The following ITPK1 variants were observed in gnomAD, a reference collection of about 807,000 sequenced individuals.
The protein encoded by ITPK1 is inositol-tetrakisphosphate 1-kinase.
Under a neutral mutation model 45.3 loss-of-function variants are expected in ITPK1, and 21 were observed. The ratio of observed to expected loss-of-function variants is 0.46; its 90% CI spans 0.33 to 0.67. The LOEUF is 0.67. Among genes scored for constraint, ITPK1 ranks in the 30% least tolerant of loss-of-function variants. ITPK1 has a pLI of 0.02. For synonymous variants in ITPK1, 258 were observed against 253.6 expected (o/e 1.02, Z -0.16); for missense variants, 474 against 573.5 (o/e 0.83, Z 1.77).
chr14:93,043,067 T>C (rs1889626631), intron 3 of ITPK1, among the ~76,000 whole-genome samples: 1 of 152,010 alleles, frequency 6.6e-6, no homozygotes, highest in Non-Finnish European at 1.5e-5. Context: ...GTCCAAACTC[T>C]TTCTCATCCA....
chr14:93,043,153 T>C (rs1049268404), intron 3 of ITPK1, among the ~76,000 whole-genome samples: 2 of 151,692 alleles, frequency 1.3e-5, no homozygotes, highest in Non-Finnish European at 2.9e-5. Context: ...GTTAAAAAAA[T>C]ATTGACCCAG....
In ITPK1 at chr14:92,979,503, A is replaced by C. The variant is rs186146667; in HGVS notation, c.364+14377T>G. Reference sequence around the variant, plus strand: ...GTGTCCCCACCCAAATCTCATGTCAAATTGTAATTCCCAATTTGGGGGAGG... The same window carrying C: ...GTGTCCCCACCCAAATCTCATGTCACATTGTAATTCCCAATTTGGGGGAGG... On this transcript the variant is annotated intron_variant, in intron 5 of 10. Coordinates refer to ENST00000267615, the MANE Select transcript of ITPK1 (RefSeq NM_014216.6). Among the ~76,000 whole-genome samples the C allele has an allele frequency of 1.6e-4, 24 of 152,280 alleles. No individual in the cohort carries two copies. In the East Asian group the frequency reaches 4.6e-3, roughly 29 times the overall value.
At chr14:93,005,633 T>C (rs1173398666) in intron 4 of ITPK1, among the ~76,000 whole-genome samples, 1 of 152,154 alleles carries the variant, frequency 6.6e-6, no homozygotes, top group Non-Finnish European at 1.5e-5. Flanking sequence ...CAGTCCTTGG[T>C]TGGTGGCAGT....
At chr14:92,976,831 C>A (rs1033584761) in intron 5 of ITPK1, among the ~76,000 whole-genome samples, 1 of 152,236 alleles carries the variant, frequency 6.6e-6, no homozygotes, top group Non-Finnish European at 1.5e-5. Context: ...GCTGGGCAAA[C>A]CACTGCATAA....
chr14:93,035,721 G>A (rs1889287230), intron 3 of ITPK1, among the ~76,000 whole-genome samples: 2 of 152,210 alleles, frequency 1.3e-5, no homozygotes, highest in Admixed American at 1.3e-4. Flanking sequence ...GCTGTCCAGG[G>A]CCTGGTGCCC....
chr14:93,040,932 C>A lies in ITPK1; in HGVS notation c.121-24131G>T, dbSNP rs376814969. On this transcript the variant is annotated intron_variant, in intron 3 of 10. Coordinates refer to ENST00000267615, the MANE Select transcript of ITPK1 (RefSeq NM_014216.6). ...TTCTCCCCTGTAAAAAAGGAAGGAT[C>A]CTGCCTACATCTCGAGGTGTCGTGC... Among the ~76,000 whole-genome samples, 196 of 152,298 alleles carry A rather than the reference C, an allele frequency of 1.3e-3. 3 individuals carry two copies. The highest frequency in any genetic ancestry group is 4.5e-3 in the African/African-American group (186 of 41,566).
intron 3 of ITPK1, among the ~76,000 whole-genome samples, chr14:93,059,862 G>A (rs1401943329): frequency 5.0e-5 from 7 of 139,500 alleles, no homozygotes; most frequent in Admixed American, 2.2e-4. Flanking sequence ...AGTGGAGGGG[G>A]TGCAAGTCAC....
intron 3 of ITPK1, among the ~76,000 whole-genome samples, chr14:93,057,029 T>G (rs1890238863): frequency 6.6e-6 from 1 of 152,138 alleles, no homozygotes. Flanking sequence ...ACAGGGCACT[T>G]TTACAGCTTA....
Position 93,085,900 on chromosome 14 carries a change from C to T in ITPK1, c.96-9281G>A, listed in dbSNP as rs1363157504. ...GGGATGGGACCTAAATTGTGGGAAG[C>T]AGGGGAGTTGGCTGCTGGGAGAGGG... On this transcript the variant is annotated intron_variant, in intron 2 of 10. Coordinates refer to ENST00000267615, the MANE Select transcript of ITPK1 (RefSeq NM_014216.6). 2.6e-5 allele frequency among the ~76,000 whole-genome samples: 4 copies of T among 152,062 alleles called. No individual in the cohort carries two copies. In the East Asian group the frequency reaches 7.7e-4, roughly 29 times the overall value.
intron 5 of ITPK1, among the ~76,000 whole-genome samples, chr14:92,965,318 C>G (rs1028411747): frequency 6.6e-6 from 1 of 152,214 alleles, no homozygotes; most frequent in Non-Finnish European, 1.5e-5. Context: ...ATCTAAAACC[C>G]TTTCATGGCA....
At chr14:92,985,727 G>A (rs891906356) in intron 5 of ITPK1, among the ~76,000 whole-genome samples, 2 of 151,932 alleles carry the variant, frequency 1.3e-5, no homozygotes, top group African/African-American at 2.4e-5. Flanking sequence ...AGGGCGCCAG[G>A]GGCTGCTGCC....
intron 5 of ITPK1, among the ~76,000 whole-genome samples, chr14:92,992,860 G>T (rs191917582): frequency 6.6e-6 from 1 of 152,358 alleles, no homozygotes; most frequent in East Asian, 1.9e-4. Context: ...TGTAAAATGG[G>T]AAGGCTTATC....
intron 5 of ITPK1, among the ~76,000 whole-genome samples, chr14:92,964,209 G>A (rs1207314181): frequency 1.3e-5 from 2 of 152,226 alleles, no homozygotes; most frequent in African/African-American, 2.4e-5. Flanking sequence ...CTGGGAGGGT[G>A]GTCTGGAGCC....
chr14:93,075,264 T>C (rs1877019350), intron 3 of ITPK1, among the ~76,000 whole-genome samples: 1 of 125,598 alleles, frequency 8.0e-6, no homozygotes, highest in Non-Finnish European at 1.5e-5. Context: ...GAGGCAGAGG[T>C]TGCAGTGAGC....
intron 8 of ITPK1, among the ~76,000 whole-genome samples, chr14:92,954,498 G>A (rs1469569299): frequency 2.0e-5 from 3 of 152,200 alleles, no homozygotes; most frequent in African/African-American, 7.2e-5. Flanking sequence ...CCTGGATTTT[G>A]GGTGCCCCAT....
At chr14:92,959,781 C>G (rs932678099) in intron 7 of ITPK1, among the ~76,000 whole-genome samples, 2 of 151,750 alleles carry the variant, frequency 1.3e-5, no homozygotes, top group Non-Finnish European at 2.9e-5. Flanking sequence ...AACAAAAACC[C>G]AAATAAAAGA....
At chr14:93,078,237 T>G (rs1467169151) in intron 2 of ITPK1, among the ~76,000 whole-genome samples, 1 of 152,156 alleles carries the variant, frequency 6.6e-6, no homozygotes, top group African/African-American at 2.4e-5. Context: ...ACAGGAACCT[T>G]TGGGCACCCT....
chr14:93,046,402 C>A (rs1474807806), intron 3 of ITPK1, among the ~76,000 whole-genome samples: 1 of 152,212 alleles, frequency 6.6e-6, no homozygotes, highest in Non-Finnish European at 1.5e-5. Context: ...AGCTTCCTTT[C>A]CCACATGGCC....
chr14:92,993,931 C>T lies in ITPK1; in HGVS notation c.313G>A (p.Asp105Asn). 1 of 1,614,036 alleles carries T rather than the reference C, an allele frequency of 6.2e-7. No individual in the cohort carries two copies. The highest frequency in any genetic ancestry group is 8.5e-7 in the Non-Finnish European group (1 of 1,179,948). The change falls in exon 5 of 11, where the codon GAC becomes AAC. Residue 105 changes from aspartate to asparagine, a missense_variant. Coordinates refer to ENST00000267615, the MANE Select transcript of ITPK1 (RefSeq NM_014216.6). ...DPLPAIRTLLDRSKSYELIRK... is the reference protein window; with the variant it reads ...DPLPAIRTLLNRSKSYELIRK... ...ATGAGCTCATAGGACTTGGAGCGGT[C>T]AAGCAGGGTTCTGATGGCAGGGAGC...
Sources: allele counts gnomAD v4.1 joint callset (sites outside exome capture counted in the v4.1 genomes callset), GRCh38; gene constraint gnomAD v4.1.1; transcripts MANE v1.5; gene names NCBI Gene and HGNC (gene_info 2026-07-23, HGNC 2026-07-21).